ATP1A1: variants seen among roughly 807,000 people sequenced by gnomAD.
ATP1A1 encodes the protein ATPase Na+/K+ transporting subunit alpha 1, also known as sodium/potassium-transporting ATPase subunit alpha-1.
Under a neutral mutation model 114.8 loss-of-function variants are expected in ATP1A1, and 14 were observed. The observed-to-expected ratio is 0.12, with a 90% CI of 0.08 to 0.19. ATP1A1 has a LOEUF of 0.19. Among genes scored for constraint, ATP1A1 ranks in the 10% least tolerant of loss-of-function variants. The probability of loss-of-function intolerance (pLI) is 1.00; values close to 1 mark genes in which losing one functional copy is unlikely to be tolerated. For synonymous variants in ATP1A1, 471 were observed against 466.3 expected (o/e 1.01, Z -0.13); for missense variants, 524 against 1,290.7 (o/e 0.41, Z 9.10).
At position 116,392,955 on chromosome 1, in the gene ATP1A1, C is replaced by G. The variant is rs151274213; in HGVS notation, c.1434C>G (p.Val478=). 7.4e-6 allele frequency: 12 copies of G among 1,613,932 alleles called. No homozygotes were observed. The highest frequency in any genetic ancestry group is 4.5e-5 in the East Asian group (2 of 44,890). Residue 478 remains valine (V), a synonymous_variant, in exon 11 of 23, where the codon GTC becomes GTG. Coordinates refer to ENST00000295598, the MANE Select transcript of ATP1A1 (RefSeq NM_000701.8). The stretch of plus-strand genomic sequence containing the variant: ...TGAGAGAAAGATACGCCAAAATCGT[C>G]GAGATACCCTTCAACTCCACCAACA... The part of the protein sequence containing the change: ...KEMRERYAKI[V]EIPFNSTNKY...
At position 116,373,443 on chromosome 1, in the gene ATP1A1, G is replaced by A; in HGVS notation, c.-69G>A. 6.7e-7 allele frequency: 1 copy of A among 1,498,306 alleles called. No individual in the cohort carries two copies. The highest frequency in any genetic ancestry group is 1.5e-5 in the African/African-American group (1 of 68,450). The allele number at this position is 1,498,306 out of a possible 1,614,324, so 92.8% of individuals were successfully genotyped here. A position where few individuals can be genotyped will look rare whatever the true frequency, so the allele number is the denominator to read the frequency against. On this transcript the variant is annotated 5_prime_UTR_variant, in exon 1 of 23. Coordinates refer to ENST00000295598, the MANE Select transcript of ATP1A1 (RefSeq NM_000701.8). ...CCTGGTCCCGCTCGCTCGGCCGGGA[G>A]CTGCTCTGTGCTTTTCTCTCTGATT...
chr1:116,388,827 G>T lies in ATP1A1; in HGVS notation c.636+55G>T. The T allele has an allele frequency of 6.2e-7, 1 of 1,612,826 alleles. No individual in the cohort carries two copies. Among genetic ancestry groups the T allele is most frequent in the Non-Finnish European group, 8.5e-7 (1 of 1,179,184 alleles). On this transcript the variant is annotated intron_variant, in intron 6 of 22. Coordinates refer to ENST00000295598, the MANE Select transcript of ATP1A1 (RefSeq NM_000701.8). This position sits in a 1 kb window ranked among gnomAD's most constrained non-coding sequence, Gnocchi z 5.6. ...GCTAGCTCTGCTGTTCGGGCAGCTTGATTTGAGGGGTACAGTAGCCCATGA... is the reference window on the plus strand; with the variant it reads ...GCTAGCTCTGCTGTTCGGGCAGCTTTATTTGAGGGGTACAGTAGCCCATGA...
Position 116,385,671 on chromosome 1 carries a change from C to G in ATP1A1, c.183+829C>G, listed in dbSNP as rs908799483. 1 of 152,196 alleles carries G rather than the reference C, an allele frequency of 6.6e-6. No individual in the cohort carries two copies. The highest frequency in any genetic ancestry group is 6.5e-5 in the Admixed American group (1 of 15,284). 9.4% of individuals were successfully genotyped at this position (152,196 alleles called of 1,614,324 possible). On this transcript the variant is annotated intron_variant, in intron 3 of 22. Transcript: ENST00000295598. The surrounding 1 kb of genome is among the most constrained non-coding windows in gnomAD (Gnocchi z 4.3). ...AGAAACAGGATCTCTCTCCTGCCCT[C>G]CTTTTCACCTGTCGCAAGGCAGGAC...
rs1206324608 is a variant in ATP1A1, at chr1:116,401,511, T to C, written c.2850-43T>C. 1.3e-6 allele frequency: 2 copies of C among 1,590,002 alleles called. No individual in the cohort carries two copies. Among genetic ancestry groups the C allele is most frequent in the Non-Finnish European group, 1.7e-6 (2 of 1,158,472 alleles). On this transcript the variant is annotated intron_variant, in intron 20 of 22. Transcript: ENST00000295598. The surrounding 1 kb of genome is among the most constrained non-coding windows in gnomAD (Gnocchi z 4.7). Reference sequence around the variant, plus strand: ...TGCATAGCATTAGAAGATAAACCTTTATTTGCACCTTTTAAGTTTTTTCTC... The same window carrying C: ...TGCATAGCATTAGAAGATAAACCTTCATTTGCACCTTTTAAGTTTTTTCTC...
rs1351759100 is a variant in ATP1A1 at position 116,390,797 on chromosome 1, A to G, written c.1238A>G (p.Lys413Arg). 1 of 1,614,166 alleles carries G rather than the reference A, an allele frequency of 6.2e-7. No homozygotes were observed. Among genetic ancestry groups the G allele is most frequent in the East Asian group, 2.2e-5 (1 of 44,872 alleles). The change falls in exon 10 of 23, where the codon AAG becomes AGG. Residue 413 changes from lysine to arginine, a missense_variant. Physicochemically the swap from Lys to Arg is conservative, Grantham distance 26. Coordinates refer to ENST00000295598, the MANE Select transcript of ATP1A1 (RefSeq NM_000701.8). ...TENQSGVSFD[K>R]TSATWLALSR... ...CCTCCATCAGGTGTCTCTTTTGACA[A>G]GACTTCAGCTACCTGGCTTGCTCTG... is the stretch of plus-strand genomic sequence containing the variant.
At position 116,393,117 on chromosome 1, in the gene ATP1A1, G is replaced by T. The variant is rs978398402; in HGVS notation, c.1467+129G>T. 1 of 1,329,130 alleles carries T rather than the reference G, an allele frequency of 7.5e-7. No individual in the cohort carries two copies. Among genetic ancestry groups the T allele is most frequent in the Admixed American group, 2.5e-5 (1 of 39,762 alleles). 82.3% of individuals were successfully genotyped at this position (1,329,130 alleles called of 1,614,324 possible). On this transcript the variant is annotated intron_variant, in intron 11 of 22. Transcript: ENST00000295598. This position sits in a 1 kb window ranked among gnomAD's most constrained non-coding sequence, Gnocchi z 5.0. ...AGCTTTAGCTTTAAATTTTGCCCTT[G>T]ATTACCATAGAATGCCATAATTTAG...
At chr1:116,396,010 C>T (rs1652885560) in intron 13 of ATP1A1, among the ~76,000 whole-genome samples, 1 of 152,152 alleles carries the variant, frequency 6.6e-6, no homozygotes, top group Non-Finnish European at 1.5e-5. Context: ...ACCTCAGCCT[C>T]CCAAAGTGCT....
rs1652189392 is a variant in ATP1A1 at position 116,387,641 on chromosome 1, C to T, written c.387+150C>T. On this transcript the variant is annotated intron_variant, in intron 4 of 22. Transcript: ENST00000295598. This position sits in a 1 kb window ranked among gnomAD's most constrained non-coding sequence, Gnocchi z 6.7. Reference sequence around the variant, plus strand: ...ATGAACAGCTGTTGCCTTCAAGGCTCATCCATTCTTCCTTCGTTTCCATTT... The same window carrying T: ...ATGAACAGCTGTTGCCTTCAAGGCTTATCCATTCTTCCTTCGTTTCCATTT... 5 of 918,792 alleles carry T rather than the reference C, an allele frequency of 5.4e-6. No homozygotes were observed. The highest frequency in any genetic ancestry group is 1.7e-5 in the South Asian group (1 of 57,178). The allele number at this position is 918,792 out of a possible 1,614,324, so 56.9% of individuals were successfully genotyped here.
intron 10 of ATP1A1, chr1:116,392,226 A>G (rs891513522): frequency 6.6e-6 from 1 of 152,244 alleles, no homozygotes; most frequent in Non-Finnish European, 1.5e-5. Flanking sequence ...TCACTGAAGC[A>G]TGGGCTTTAA....
intron 12 of ATP1A1, among the ~76,000 whole-genome samples, chr1:116,394,802 G>A (rs965102133): frequency 6.6e-6 from 1 of 152,200 alleles, no homozygotes; most frequent in Admixed American, 6.5e-5. Flanking sequence ...CAGTGGGCAA[G>A]TCTAGAACCC....
chr1:116,404,590 A>C lies in ATP1A1; in HGVS notation c.*146A>C. Reference sequence around the variant, plus strand: ...ATGTGGGGAAGCAAGACGTCCTGGAATGAAGCATGTAGCTCTATGGGGGGA... The same window carrying C: ...ATGTGGGGAAGCAAGACGTCCTGGACTGAAGCATGTAGCTCTATGGGGGGA... On this transcript the variant is annotated 3_prime_UTR_variant, in exon 23 of 23. Coordinates refer to ENST00000295598, the MANE Select transcript of ATP1A1 (RefSeq NM_000701.8). The surrounding 1 kb of genome is among the most constrained non-coding windows in gnomAD (Gnocchi z 4.8). 4 of 1,358,926 alleles carry C rather than the reference A, an allele frequency of 2.9e-6. No individual in the cohort carries two copies. Among genetic ancestry groups the C allele is most frequent in the East Asian group, 6.5e-5 (2 of 30,802 alleles). The allele number at this position is 1,358,926 out of a possible 1,614,324, so 84.2% of individuals were successfully genotyped here. A position where few individuals can be genotyped will look rare whatever the true frequency, so the allele number is the denominator to read the frequency against.
Position 116,393,148 on chromosome 1 carries a change from T to TC in ATP1A1, c.1467+160_1467+161insC, listed in dbSNP as rs1170988126. The TC allele has an allele frequency of 9.4e-7, 1 of 1,064,616 alleles. No individual in the cohort carries two copies. The highest frequency in any genetic ancestry group is 1.6e-5 in the African/African-American group (1 of 62,202). 65.9% of individuals were successfully genotyped at this position (1,064,616 alleles called of 1,614,324 possible). A position where few individuals can be genotyped will look rare whatever the true frequency, so the allele number is the denominator to read the frequency against. On this transcript the variant is annotated intron_variant, in intron 11 of 22. Coordinates refer to ENST00000295598, the MANE Select transcript of ATP1A1 (RefSeq NM_000701.8). This position sits in a 1 kb window ranked among gnomAD's most constrained non-coding sequence, Gnocchi z 5.0. ...CATAGAATGCCATAATTTAGTTGAA[T>TC]ATCAGCAGGATAAATGAAGCCTCTT...
rs980774774 is a variant in ATP1A1 at position 116,401,471 on chromosome 1, G to A, written c.2850-83G>A. On this transcript the variant is annotated intron_variant, in intron 20 of 22. Transcript: ENST00000295598. The surrounding 1 kb of genome is among the most constrained non-coding windows in gnomAD (Gnocchi z 4.7). ...AGTACAGCTAATACATAAAGATGTT[G>A]ATCTGCCATTTTAATGCATAGCATT... 30 of 1,474,112 alleles carry A rather than the reference G, an allele frequency of 2.0e-5. No homozygotes were observed. The African/African-American group carries it at 3.8e-4, about 19-fold the overall frequency. 91.3% of individuals were successfully genotyped at this position (1,474,112 alleles called of 1,614,324 possible). A position where few individuals can be genotyped will look rare whatever the true frequency, so the allele number is the denominator to read the frequency against.
rs1387588976 is a variant in ATP1A1 at position 116,389,886 on chromosome 1, T to G, written c.1023+179T>G. 7 of 966,246 alleles carry G rather than the reference T, an allele frequency of 7.2e-6. No homozygotes were observed. The Admixed American group carries it at 2.0e-4, about 27-fold the overall frequency. The allele number at this position is 966,246 out of a possible 1,614,324, so 59.9% of individuals were successfully genotyped here. A position where few individuals can be genotyped will look rare whatever the true frequency, so the allele number is the denominator to read the frequency against. On this transcript the variant is annotated intron_variant, in intron 8 of 22. Transcript: ENST00000295598. The surrounding 1 kb of genome is among the most constrained non-coding windows in gnomAD (Gnocchi z 6.9). ...CAGTGAGAAAACCTCAGCATTTGTT[T>G]ATACGTAAGATAACCCCAAAGCATA...
At chr1:116,390,716 G>A in intron 9 of ATP1A1, 66 bp from the exon 10 acceptor site, 1 of 1,311,070 alleles carries the variant, frequency 7.6e-7, no homozygotes, top group East Asian at 2.3e-5. Context: ...TTTAATAGGA[G>A]AACTGAGAAC....
In ATP1A1 at chr1:116,398,254, C is replaced by CCCAGAG. The variant is rs1168359509; in HGVS notation, c.2124+219_2124+224dup. 1.3e-5 allele frequency among the ~76,000 whole-genome samples: 2 copies of CCCAGAG among 152,194 alleles called. No homozygotes were observed. Among genetic ancestry groups the CCCAGAG allele is most frequent in the Non-Finnish European group, 2.9e-5 (2 of 68,036 alleles). On this transcript the variant is annotated intron_variant, in intron 15 of 22. Coordinates refer to ENST00000295598, the MANE Select transcript of ATP1A1 (RefSeq NM_000701.8). The surrounding 1 kb of genome is among the most constrained non-coding windows in gnomAD (Gnocchi z 6.1). ...TTTAAAGTCCAGGTGTCCACTGTGTCCCAGAGCCTGACCGCTCCGTGGAGT... is the reference window on the plus strand; with the variant it reads ...TTTAAAGTCCAGGTGTCCACTGTGTCCCAGAGCCAGAGCCTGACCGCTCCGTGGAGT...
rs774268496 is a variant in ATP1A1, at chr1:116,384,853, G to A, written c.183+11G>A. On this transcript the variant is annotated intron_variant, in intron 3 of 22. Coordinates refer to ENST00000295598, the MANE Select transcript of ATP1A1 (RefSeq NM_000701.8). This position sits in a 1 kb window ranked among gnomAD's most constrained non-coding sequence, Gnocchi z 5.1. ...ACAGACTTGAGCCGGGTATGTTCTA[G>A]TTTGAAAGCTGTTGTACAAAATCCT... 1 of 1,613,190 alleles carries A rather than the reference G, an allele frequency of 6.2e-7. No homozygotes were observed. The highest frequency in any genetic ancestry group is 1.1e-5 in the South Asian group (1 of 90,982).
intron 8 of ATP1A1, 118 bp from the exon 9 acceptor site, chr1:116,390,095 G>T: frequency 9.3e-7 from 1 of 1,070,030 alleles, no homozygotes. Context: ...TCAAACTTCA[G>T]AAGAAGGTTG....
chr1:116,374,138 C>A, intron 1 of ATP1A1: 1 of 1,546,912 alleles, frequency 6.5e-7, no homozygotes, highest in Non-Finnish European at 8.7e-7. Flanking sequence ...CAGAGGCGGC[C>A]GCCCTCCCCC....
Sources: allele counts gnomAD v4.1 joint callset (sites outside exome capture counted in the v4.1 genomes callset), GRCh38; gene constraint gnomAD v4.1.1; non-coding constraint Gnocchi (gnomAD v3.1); transcripts MANE v1.5; gene names NCBI Gene and HGNC (gene_info 2026-07-23, HGNC 2026-07-21).